The following PDE4D variants were observed in gnomAD, a reference collection of about 807,000 sequenced individuals.
PDE4D encodes the protein phosphodiesterase 4D, also known as 3',5'-cyclic-AMP phosphodiesterase 4D.
PDE4D carries 24 observed loss-of-function variants against 87.4 expected under a neutral mutation model. The ratio of observed to expected loss-of-function variants is 0.27; its 90% CI spans 0.20 to 0.39. The LOEUF (loss-of-function observed/expected upper bound fraction) is 0.39. Among genes scored for constraint, PDE4D ranks in the 10% least tolerant of loss-of-function variants. The probability of loss-of-function intolerance (pLI) is 1.00; values close to 1 mark genes in which losing one functional copy is unlikely to be tolerated. For synonymous variants in PDE4D, 384 were observed against 383.2 expected, an observed-to-expected ratio of 1.00 and a Z score of -0.02; for missense variants, 714 against 1,041.0, an observed-to-expected ratio of 0.69 and a Z score of 4.32.
At chr5:59,633,873 A>T (rs537588237) in intron 1 of PDE4D, among the ~76,000 whole-genome samples, 1 of 152,338 alleles carries the variant, frequency 6.6e-6, no homozygotes, top group African/African-American at 2.4e-5. Flanking sequence ...GACAGGATCA[A>T]ATTCATACAT....
chr5:59,275,250 C>A, intron 1 of PDE4D: 2 of 1,050,876 alleles, frequency 1.9e-6, no homozygotes, highest in South Asian at 1.4e-5. Context: ...TTCACAAAGC[C>A]TCGACATCAC....
chr5:59,851,255 T>A (rs900288274), intron 1 of PDE4D, among the ~76,000 whole-genome samples: 1 of 152,038 alleles, frequency 6.6e-6, no homozygotes, highest in Admixed American at 6.6e-5. Context: ...TATATTTCTA[T>A]CACCCTGACT....
rs368038823 is a variant in PDE4D at position 59,654,642 on chromosome 5, A to G, written c.455+238526T>C. On this transcript the variant is annotated intron_variant, in intron 1 of 14. Transcript: ENST00000340635. The stretch of plus-strand genomic sequence containing the variant: ...CCTGTTTAAAATGTACAATTCAGTG[A>G]CATTAGTGCATTCACAGAGTTGTGC... Among the ~76,000 whole-genome samples, 4 of 152,318 alleles carry G rather than the reference A, an allele frequency of 2.6e-5. No homozygotes were observed. In the East Asian group the frequency reaches 7.7e-4, roughly 29 times the overall value.
In PDE4D at chr5:59,415,760, T is replaced by C. The variant is rs986788831; in HGVS notation, c.456-199792A>G. On this transcript the variant is annotated intron_variant, in intron 1 of 14. Coordinates refer to ENST00000340635, the MANE Select transcript of PDE4D (RefSeq NM_001104631.2). ...ATGTTAAATATCTCATTAATAATTA[T>C]ATATATTGTTTACAAGTTAAAATAA... Among the ~76,000 whole-genome samples, 5 of 152,210 alleles carry C rather than the reference T, an allele frequency of 3.3e-5. No individual in the cohort carries two copies. The East Asian group carries it at 9.6e-4, about 29-fold the overall frequency.
At chr5:60,486,625 C>T (rs1471911374) in intron 1 of PDE4D, among the ~76,000 whole-genome samples, 2 of 152,172 alleles carry the variant, frequency 1.3e-5, no homozygotes, top group Non-Finnish European at 2.9e-5. Context: ...ATATTTCTCT[C>T]CTACTGGCTA....
At chr5:60,338,100 T>C (rs755189396) in intron 1 of PDE4D, among the ~76,000 whole-genome samples, 3 of 151,850 alleles carry the variant, frequency 2.0e-5, no homozygotes, top group Non-Finnish European at 4.4e-5. Context: ...GGAAGGTGAG[T>C]AGCCGGAGAA....
intron 1 of PDE4D, among the ~76,000 whole-genome samples, chr5:60,359,774 A>C (rs547505990): frequency 1.3e-4 from 20 of 152,246 alleles, no homozygotes. Context: ...TCTGTGCACT[A>C]ATATTATGGA....
At chr5:59,005,821 T>C (rs923983247) in intron 6 of PDE4D, among the ~76,000 whole-genome samples, 24 of 152,354 alleles carry the variant, frequency 1.6e-4, no homozygotes, top group African/African-American at 5.8e-4. Flanking sequence ...ACCCAGTCCT[T>C]GCTCTTAATG....
intron 1 of PDE4D, among the ~76,000 whole-genome samples, chr5:60,359,483 T>C (rs1183249381): frequency 6.6e-6 from 1 of 152,130 alleles, no homozygotes; most frequent in Non-Finnish European, 1.5e-5. Context: ...AATAATGAGT[T>C]TCAAAGGTGG....
intron 1 of PDE4D, among the ~76,000 whole-genome samples, chr5:59,508,708 T>C (rs1018236765): frequency 4.0e-5 from 6 of 151,882 alleles, no homozygotes; most frequent in Admixed American, 3.3e-4. Context: ...ATTTAGTAAA[T>C]GAGCAAAAGA....
At chr5:59,582,549 A>G (rs1824359462) in intron 1 of PDE4D, among the ~76,000 whole-genome samples, 2 of 152,212 alleles carry the variant, frequency 1.3e-5, no homozygotes, top group African/African-American at 4.8e-5. Flanking sequence ...ATATATGAAT[A>G]TATTATCAAT....
At chr5:58,978,506 T>C (rs186654302) in intron 11 of PDE4D, among the ~76,000 whole-genome samples, 48 of 152,232 alleles carry the variant, frequency 3.2e-4, no homozygotes, top group Admixed American at 4.6e-4. Flanking sequence ...AACGAATGCA[T>C]AGAAAATATA....
upstream of PDE4D, chr5:60,488,303 G>GA (rs1392274155): frequency 5.3e-5 from 8 of 152,018 alleles, no homozygotes. Context: ...GTGATCTGGG[G>GA]AAAACGCAGC....
At chr5:59,206,875 G>A (rs1748911463) in intron 2 of PDE4D, among the ~76,000 whole-genome samples, 1 of 152,106 alleles carries the variant, frequency 6.6e-6, no homozygotes, top group African/African-American at 2.4e-5. Context: ...GCCACCATAT[G>A]CCCCACCGTC....
intron 2 of PDE4D, among the ~76,000 whole-genome samples, chr5:59,208,405 C>T (rs2153501533): frequency 6.6e-6 from 1 of 152,290 alleles, no homozygotes; most frequent in African/African-American, 2.4e-5. Context: ...CCTAAGACTT[C>T]AGTATATATC....
intron 1 of PDE4D, among the ~76,000 whole-genome samples, chr5:60,471,065 C>T (rs1413206472): frequency 6.6e-6 from 1 of 152,042 alleles, no homozygotes; most frequent in Non-Finnish European, 1.5e-5. Context: ...ATTCTAGATG[C>T]CATTAAAAAC....
chr5:59,275,235 C>T, intron 1 of PDE4D: 1 of 912,198 alleles, frequency 1.1e-6, no homozygotes. Flanking sequence ...CCAATACTGC[C>T]TTCTTTCACA....
chr5:59,603,313 T>C lies in PDE4D; in HGVS notation c.455+289855A>G, dbSNP rs142034801. The stretch of plus-strand genomic sequence containing the variant: ...CTCAAACAACTCAATGGCAAGAAAA[T>C]AACCTTATTGAAAAATGGGCAAAGG... On this transcript the variant is annotated intron_variant, in intron 1 of 14. Coordinates refer to ENST00000340635, the MANE Select transcript of PDE4D (RefSeq NM_001104631.2). Among the ~76,000 whole-genome samples the C allele has an allele frequency of 5.0e-3, 765 of 151,832 alleles. 12 individuals carry two copies. The highest frequency in any genetic ancestry group is 0.017 in the African/African-American group (720 of 41,486).
At chr5:59,789,262 A>G (rs952678838) in intron 1 of PDE4D, among the ~76,000 whole-genome samples, 4 of 152,268 alleles carry the variant, frequency 2.6e-5, no homozygotes, top group Admixed American at 6.5e-5. Flanking sequence ...AGAACAAAAA[A>G]TGTGCAATAC....
Sources: allele counts gnomAD v4.1 joint callset (sites outside exome capture counted in the v4.1 genomes callset), GRCh38; gene constraint gnomAD v4.1.1; transcripts MANE v1.5; gene names NCBI Gene and HGNC (gene_info 2026-07-23, HGNC 2026-07-21).